Variants in EPHX1 observed in about 807,000 individuals in gnomAD.
EPHX1 encodes epoxide hydrolase 1.
Under a neutral mutation model 43.2 loss-of-function variants are expected in EPHX1, and 40 were observed. The ratio of observed to expected loss-of-function variants is 0.93; its 90% CI spans 0.72 to 1.21. The LOEUF (loss-of-function observed/expected upper bound fraction) is 1.21, where lower values mean the gene tolerates loss of function less well. EPHX1 is among the 50% of genes most tolerant of loss of function. The pLI, the probability that EPHX1 is intolerant of heterozygous loss-of-function variation, is 0.00. For missense variants in EPHX1, 550 were observed against 570.4 expected, an observed-to-expected ratio of 0.96 and a Z score of 0.36; for synonymous variants, 221 against 226.7, an observed-to-expected ratio of 0.98 and a Z score of 0.22.
At chr1:225,810,963 C>G (rs1428033563) in intron 1 of EPHX1, among the ~76,000 whole-genome samples, 1 of 152,170 alleles carries the variant, frequency 6.6e-6, no homozygotes, top group Non-Finnish European at 1.5e-5. Context: ...GGCTTAGCTT[C>G]GGCTCAGAGG....
intron 6 of EPHX1, among the ~76,000 whole-genome samples, chr1:225,840,636 A>T (rs1668319207): frequency 6.6e-6 from 1 of 152,240 alleles, no homozygotes; most frequent in East Asian, 1.9e-4. Flanking sequence ...TCTCCATGGG[A>T]CAAAATTCAT....
intron 1 of EPHX1, among the ~76,000 whole-genome samples, chr1:225,820,464 T>C (rs1464065210): frequency 6.6e-6 from 1 of 152,212 alleles, no homozygotes. Flanking sequence ...ACACGATTTC[T>C]AAGTTAAAAC....
Position 225,844,550 on chromosome 1 carries a change from G to A in EPHX1, c.1093G>A (p.Gly365Ser). 1 of 1,614,182 alleles carries A rather than the reference G, an allele frequency of 6.2e-7. No homozygotes were observed. The highest frequency in any genetic ancestry group is 8.5e-7 in the Non-Finnish European group (1 of 1,180,018). ...CAACGTCATGCTCTACTGGACAACA[G>A]GCACCATCATCTCCTCCCAGCGCTT... ...LTNVMLYWTTGTIISSQRFYK... is the reference protein window; with the variant it reads ...LTNVMLYWTTSTIISSQRFYK... The change falls in exon 8 of 9, where the codon GGC (glycine) becomes AGC (serine). Residue 365 changes from glycine to serine, a missense_variant. By Grantham distance (56) the Gly-to-Ser change is moderately conservative. Coordinates refer to ENST00000272167, the MANE Select transcript of EPHX1 (RefSeq NM_001136018.4).
At chr1:225,822,319 G>A (rs899838025) in intron 1 of EPHX1, among the ~76,000 whole-genome samples, 1 of 152,090 alleles carries the variant, frequency 6.6e-6, no homozygotes, top group Non-Finnish European at 1.5e-5. Flanking sequence ...GAGTACCTTG[G>A]CTTCGAGAAA....
intron 6 of EPHX1, chr1:225,841,094 T>C (rs1668367254): frequency 6.6e-6 from 1 of 152,178 alleles, no homozygotes; most frequent in Non-Finnish European, 1.5e-5. Context: ...ATCACCAACA[T>C]GGCCCCAACA....
intron 1 of EPHX1, among the ~76,000 whole-genome samples, chr1:225,824,647 GC>G (rs1667141254): frequency 6.6e-6 from 1 of 152,204 alleles, no homozygotes; most frequent in African/African-American, 2.4e-5. Flanking sequence ...TCAAGAGGGC[GC>G]CACTCTGCCT....
At chr1:225,834,275 CGT>C (rs1667834710) in intron 3 of EPHX1, among the ~76,000 whole-genome samples, 1 of 148,566 alleles carries the variant, frequency 6.7e-6, no homozygotes, top group Non-Finnish European at 1.5e-5. Flanking sequence ...CATGGTGGCA[CGT>C]GCCTGTAGTT....
Position 225,842,529 on chromosome 1 carries a change from C to T in EPHX1, c.1040+55C>T. On this transcript the variant is annotated intron_variant, in intron 7 of 8. Coordinates refer to ENST00000272167, the MANE Select transcript of EPHX1 (RefSeq NM_001136018.4). ...GACCCTGGTCCCAGCAGCCAACCTC[C>T]TCACCCTCTTCATCCCCTTGTCTGG... 2.5e-6 allele frequency: 3 copies of T among 1,224,054 alleles called. No individual in the cohort carries two copies. In the African/African-American group the frequency reaches 4.5e-5, roughly 18 times the overall value. The allele number at this position is 1,224,054 out of a possible 1,614,324, so 75.8% of individuals were successfully genotyped here. A position where few individuals can be genotyped will look rare whatever the true frequency, so the allele number is the denominator to read the frequency against.
intron 2 of EPHX1, among the ~76,000 whole-genome samples, chr1:225,830,129 A>C (rs1219645616): frequency 6.6e-6 from 1 of 152,138 alleles, no homozygotes; most frequent in Non-Finnish European, 1.5e-5. Flanking sequence ...GCATGGATAA[A>C]AGTCATGAGA....
At position 225,821,731 on chromosome 1, in the gene EPHX1, T is replaced by G. The variant is rs951589734; in HGVS notation, c.-5-6994T>G. Among the ~76,000 whole-genome samples the G allele has an allele frequency of 2.0e-5, 3 of 151,168 alleles. No homozygotes were observed. The East Asian group carries it at 5.8e-4, about 29-fold the overall frequency. Reference sequence around the variant, plus strand: ...ATGCACCACCATGCCTGGCTAATTTTTTTTTATTATTTGTGGAGATGGGGT... The same window carrying G: ...ATGCACCACCATGCCTGGCTAATTTGTTTTTATTATTTGTGGAGATGGGGT... On this transcript the variant is annotated intron_variant, in intron 1 of 8. Coordinates refer to ENST00000272167, the MANE Select transcript of EPHX1 (RefSeq NM_001136018.4).
At chr1:225,815,207 A>G (rs1666663752) in intron 1 of EPHX1, among the ~76,000 whole-genome samples, 1 of 89,882 alleles carries the variant, frequency 1.1e-5, no homozygotes, top group South Asian at 3.2e-4. Flanking sequence ...GAAGGCTGCT[A>G]TCCGGGTCAT....
intron 1 of EPHX1, among the ~76,000 whole-genome samples, chr1:225,812,794 G>C (rs1666546950): frequency 6.6e-6 from 1 of 152,216 alleles, no homozygotes; most frequent in Admixed American, 6.5e-5. Context: ...TGAAGAAGTA[G>C]CTCGAAGCCC....
intron 3 of EPHX1, among the ~76,000 whole-genome samples, chr1:225,832,326 T>C (rs1479159088): frequency 6.6e-6 from 1 of 151,918 alleles, no homozygotes; most frequent in East Asian, 1.9e-4. Flanking sequence ...GATCACGAGG[T>C]CAAGAGTTCA....
At chr1:225,829,864 A>G (rs1667479476) in intron 2 of EPHX1, among the ~76,000 whole-genome samples, 1 of 152,190 alleles carries the variant, frequency 6.6e-6, no homozygotes, top group African/African-American at 2.4e-5. Flanking sequence ...ACCTGAGGTC[A>G]GGAGTTCAAG....
chr1:225,837,361 G>A (rs934715958), intron 3 of EPHX1, among the ~76,000 whole-genome samples: 2 of 152,216 alleles, frequency 1.3e-5, no homozygotes, highest in African/African-American at 4.8e-5. Context: ...ATGCCGTAAG[G>A]CCCCAGGTGC....
rs989829031 is a variant in EPHX1 at position 225,815,337 on chromosome 1, A to G, written c.-6+5168A>G. 3.8e-5 allele frequency among the ~76,000 whole-genome samples: 5 copies of G among 132,860 alleles called. 2 individuals are homozygous for G. In the Admixed American group the frequency reaches 3.9e-4, roughly 10 times the overall value. 87.2% of individuals were successfully genotyped at this position (132,860 alleles called of 152,430 possible). On this transcript the variant is annotated intron_variant, in intron 1 of 8. Coordinates refer to ENST00000272167, the MANE Select transcript of EPHX1 (RefSeq NM_001136018.4). ...CTCAGCTGTCTGCAAACTCCGCCCCACCAGGCTCAAGCCATCCTCAGCCTC... is the reference window on the plus strand; with the variant it reads ...CTCAGCTGTCTGCAAACTCCGCCCCGCCAGGCTCAAGCCATCCTCAGCCTC...
At chr1:225,812,444 G>A (rs6662793) in intron 1 of EPHX1, among the ~76,000 whole-genome samples, 5,830 of 152,254 alleles carry the variant, frequency 0.038, 233 homozygotes, top group African/African-American at 0.1. Context: ...TGTGGGCAGA[G>A]GGACCTTTGC....
At chr1:225,825,527 C>G (rs1667189757) in intron 1 of EPHX1, 1 of 152,190 alleles carries the variant, frequency 6.6e-6, no homozygotes, top group Non-Finnish European at 1.5e-5. Context: ...CAGTGCTTCT[C>G]CCTGTGCTGA....
intron 1 of EPHX1, chr1:225,825,382 G>A (rs957690725): frequency 6.6e-6 from 1 of 152,272 alleles, no homozygotes; most frequent in Non-Finnish European, 1.5e-5. Context: ...GCCAGGTGCA[G>A]AGCTCCACAG....
Sources: gnomAD v4.1 joint callset for allele counts (sites outside exome capture counted in the v4.1 genomes callset) on GRCh38, gnomAD v4.1.1 for gene constraint, MANE v1.5 for transcripts, NCBI Gene and HGNC (gene_info 2026-07-23, HGNC 2026-07-21) for gene names.